The following DNAH1 variants were observed in gnomAD, a reference collection of about 807,000 sequenced individuals.
DNAH1 encodes axonemal beta dynein heavy chain 1.
A neutral mutation model predicts 484.3 loss-of-function variants in DNAH1; 327 were observed. The observed-to-expected ratio is 0.68, with a 90% confidence interval of 0.62 to 0.74. The LOEUF is 0.74. DNAH1 is among the 30% of genes least tolerant of loss of function. The probability of loss-of-function intolerance (pLI) is 0.00; values close to 1 mark genes in which losing one functional copy is unlikely to be tolerated. For missense variants in DNAH1, 5,052 were observed against 5,546.8 expected (o/e 0.91, Z 2.83); for synonymous variants, 2,192 against 2,191.9 (o/e 1.00, Z 0.00).
At chr3:52,360,206 A>G in intron 27 of DNAH1, 105 bp from the exon 28 acceptor site, 3 of 1,493,674 alleles carry the variant, frequency 2.0e-6, no homozygotes, top group Admixed American at 1.8e-5. Context: ...GGGTATGGGT[A>G]CCTTAATGCC....
chr3:52,330,169 A>G (rs1209575740), intron 6 of DNAH1, among the ~76,000 whole-genome samples: 1 of 152,200 alleles, frequency 6.6e-6, no homozygotes, highest in Non-Finnish European at 1.5e-5. Flanking sequence ...ATATGTGTGC[A>G]TCTTCCTTCT....
chr3:52,341,401 G>T (rs1289910479), intron 8 of DNAH1, among the ~76,000 whole-genome samples: 1 of 152,132 alleles, frequency 6.6e-6, no homozygotes, highest in Non-Finnish European at 1.5e-5. Context: ...GGGTATAATA[G>T]AAGAAGCAGC....
intron 66 of DNAH1, 132 bp downstream of exon 66, chr3:52,393,617 C>A: frequency 7.3e-7 from 1 of 1,368,992 alleles, no homozygotes; most frequent in East Asian, 2.5e-5. Flanking sequence ...GAAACAATTC[C>A]TTGATTAAAA....
At position 52,391,477 on chromosome 3, in the gene DNAH1, TG is replaced by T; in HGVS notation, c.9931del (p.Asp3311ThrfsTer3). On this transcript the variant is annotated frameshift_variant, in exon 63 of 78. Transcript: ENST00000420323. LOFTEE classifies it high-confidence loss of function. ...CAGCAGGGAAACACGGTGCTGAAGCTGGGGGACACGGTGATCCCCTACCATG... is the reference window on the plus strand; with the variant it reads ...CAGCAGGGAAACACGGTGCTGAAGCTGGGGACACGGTGATCCCCTACCATG... The part of the protein sequence containing the change: ...YKQQGNTVLK[L>X]GDTVIPYHED... 6.2e-7 allele frequency: 1 copy of T among 1,613,000 alleles called. No individual in the cohort carries two copies. The highest frequency in any genetic ancestry group is 1.1e-5 in the South Asian group (1 of 90,936).
At position 52,352,662 on chromosome 3, in the gene DNAH1, G is replaced by A. The variant is rs371396999; in HGVS notation, c.2982G>A (p.Met994Ile). 21 of 1,613,052 alleles carry A rather than the reference G, an allele frequency of 1.3e-5. No homozygotes were observed. The highest frequency in any genetic ancestry group is 1.2e-4 in the Admixed American group (7 of 59,878). The change falls in exon 18 of 78, where the codon ATG becomes ATA. Residue 994 changes from methionine to isoleucine, a missense_variant. Met to Ile is a conservative substitution (Grantham distance 10, BLOSUM62 1). Coordinates refer to ENST00000420323, the MANE Select transcript of DNAH1 (RefSeq NM_015512.5). ...TGAAGGACTGCCAGCAGCTGGCCAT[G>A]CTCTACAACAACCGCGAGCGCATCT... ...KQLKDCQQLA[M>I]LYNNRERIFS...
intron 59 of DNAH1, 71 bp downstream of exon 59, chr3:52,389,008 G>C (rs558882261): frequency 9.4e-6 from 14 of 1,482,624 alleles, no homozygotes; most frequent in Non-Finnish European, 1.2e-5. Context: ...TTGAGGCCTC[G>C]CCTCCATGAT....
chr3:52,377,994 GCC>G (rs897638121), intron 46 of DNAH1, among the ~76,000 whole-genome samples: 2 of 152,188 alleles, frequency 1.3e-5, no homozygotes, highest in Admixed American at 6.5e-5. Flanking sequence ...CAACAGACAG[GCC>G]CCTCTCCTGC....
At position 52,356,796 on chromosome 3, in the gene DNAH1, G is replaced by A; in HGVS notation, c.3858+18G>A. The stretch of plus-strand genomic sequence containing the variant: ...ACCGGGAGGCAAGCTCAATGAGGGT[G>A]GGAGGGGCAGCTGGGATCCCCAAGG... On this transcript the variant is annotated intron_variant, in intron 22 of 77. Transcript: ENST00000420323. 1 of 1,583,002 alleles carries A rather than the reference G, an allele frequency of 6.3e-7. No homozygotes were observed. The highest frequency in any genetic ancestry group is 8.6e-7 in the Non-Finnish European group (1 of 1,164,188).
rs373082854 is a variant in DNAH1, at chr3:52,383,459, C to T, written c.8015C>T (p.Ala2672Val). Residue 2672 changes from alanine to valine, a missense_variant, in exon 51 of 78, where the codon GCG (alanine) becomes GTG (valine). Transcript: ENST00000420323. ...GGTGACATTCCCAATCTGTATACTG[C>T]GGACGAGCAGGACCAGATCGTCAGC... is the stretch of plus-strand genomic sequence containing the variant. ...NSGDIPNLYT[A>V]DEQDQIVSTM... The T allele has an allele frequency of 9.9e-6, 16 of 1,613,900 alleles. 1 individual carries two copies. The highest frequency in any genetic ancestry group is 3.3e-4 in the Middle Eastern group (2 of 6,084).
At position 52,389,550 on chromosome 3, in the gene DNAH1, G is replaced by A. The variant is rs1483016478; in HGVS notation, c.9585G>A (p.Gly3195=). ...ACACCTCCGAGCCCACGCTAATCGG[G>A]ACGCTGGGGAACCCTGTGAAGATCC... The part of the protein sequence containing the change: ...VPHTSEPTLI[G]TLGNPVKIRS... Residue 3195 remains glycine, a synonymous_variant, in exon 60 of 78, where the codon GGG becomes GGA. Transcript: ENST00000420323. The A allele has an allele frequency of 6.5e-7, 1 of 1,544,764 alleles. No homozygotes were observed. The highest frequency in any genetic ancestry group is 8.7e-7 in the Non-Finnish European group (1 of 1,144,616).
intron 8 of DNAH1, among the ~76,000 whole-genome samples, chr3:52,337,361 T>G (rs1388793651): frequency 6.6e-6 from 1 of 152,236 alleles, no homozygotes; most frequent in Non-Finnish European, 1.5e-5. Flanking sequence ...CATTTTACTT[T>G]GTTTGATATC....
At position 52,399,711 on chromosome 3, in the gene DNAH1, C is replaced by A. The variant is rs770429940; in HGVS notation, c.12608C>A (p.Thr4203Lys). 6.2e-7 allele frequency: 1 copy of A among 1,614,042 alleles called. No homozygotes were observed. The highest frequency in any genetic ancestry group is 1.7e-5 in the Admixed American group (1 of 60,028). The change falls in exon 77 of 78, where the codon ACA (threonine) becomes AAA (lysine). Residue 4203 changes from threonine to lysine, a missense_variant. Coordinates refer to ENST00000420323, the MANE Select transcript of DNAH1 (RefSeq NM_015512.5). ...TEMAVIWLLP[T>K]PNRKAQDQDF... Reference sequence around the variant, plus strand: ...ATGGCCGTTATCTGGCTCTTGCCAACACCCAACCGCAAGGCCCAGGACCAG... The same window carrying A: ...ATGGCCGTTATCTGGCTCTTGCCAAAACCCAACCGCAAGGCCCAGGACCAG...
rs1186004183 is a variant in DNAH1 at position 52,381,533 on chromosome 3, C to G, written c.7609-107C>G. On this transcript the variant is annotated intron_variant, in intron 48 of 77. Coordinates refer to ENST00000420323, the MANE Select transcript of DNAH1 (RefSeq NM_015512.5). This position sits in a 1 kb window ranked among gnomAD's most constrained non-coding sequence, Gnocchi z 4.1. ...GCCGGGTCACAGGTGGTCAAGGCAC[C>G]TGTGCTTCTCAGTCAGGACAGAGAA... 11 of 1,088,544 alleles carry G rather than the reference C, an allele frequency of 1.0e-5. No homozygotes were observed. Among genetic ancestry groups the G allele is most frequent in the Non-Finnish European group, 1.3e-5 (10 of 768,886 alleles). 67.4% of individuals were successfully genotyped at this position (1,088,544 alleles called of 1,614,324 possible). A position where few individuals can be genotyped will look rare whatever the true frequency, so the allele number is the denominator to read the frequency against.
chr3:52,330,441 C>G, intron 6 of DNAH1, among the ~76,000 whole-genome samples: 1 of 152,192 alleles, frequency 6.6e-6, no homozygotes, highest in East Asian at 1.9e-4. Flanking sequence ...AAGGGAACAA[C>G]CAGCAATGAG....
chr3:52,354,892 T>C lies in DNAH1; in HGVS notation c.3530T>C (p.Leu1177Pro). The change falls in exon 21 of 78, where the codon CTG becomes CCG. Residue 1177 changes from leucine to proline, a missense_variant. Physicochemically the swap from Leu to Pro is moderately conservative, Grantham distance 98 (BLOSUM62 -3). Coordinates refer to ENST00000420323, the MANE Select transcript of DNAH1 (RefSeq NM_015512.5). ...KEWSTILFNV[L>P]PYKATDTYIL... ...TGGTCGACCATCCTGTTCAATGTACTGCCCTACAAGGCGACAGACACCTAC... is the reference window on the plus strand; with the variant it reads ...TGGTCGACCATCCTGTTCAATGTACCGCCCTACAAGGCGACAGACACCTAC... The C allele has an allele frequency of 6.2e-7, 1 of 1,613,966 alleles. No homozygotes were observed. The highest frequency in any genetic ancestry group is 1.3e-5 in the African/African-American group (1 of 75,030).
chr3:52,354,036 A>G (rs1280333963), intron 20 of DNAH1, among the ~76,000 whole-genome samples: 1 of 152,096 alleles, frequency 6.6e-6, no homozygotes, highest in South Asian at 2.1e-4. Flanking sequence ...TCTACAAAAA[A>G]TTAAGATATT....
intron 74 of DNAH1, 40 bp from the exon 75 acceptor site, chr3:52,397,992 G>C (rs1448736528): frequency 6.2e-7 from 1 of 1,602,322 alleles, no homozygotes; most frequent in Admixed American, 1.7e-5. Context: ...GGGATAAGGG[G>C]GCCCAGCCTT....
Position 52,370,565 on chromosome 3 carries a change from G to A in DNAH1, c.6347G>A (p.Gly2116Asp). Residue 2116 changes from glycine (G) to aspartate (D), a missense_variant, in exon 40 of 78, where the codon GGT (glycine) becomes GAT (aspartate). Physicochemically the swap from Gly to Asp is moderately conservative, Grantham distance 94. Around this residue, in one of 4 missense-constraint regions of DNAH1, gnomAD observed 2,929 missense variants for 3,409.4 expected, o/e 0.86. Coordinates refer to ENST00000420323, the MANE Select transcript of DNAH1 (RefSeq NM_015512.5). The part of the protein sequence containing the change: ...WFIFSLIWSV[G>D]ATGDSSGRTS... The stretch of plus-strand genomic sequence containing the variant: ...ATCTTCTCCCTGATCTGGAGCGTGG[G>A]TGCCACTGGGGACAGCAGTGGCCGC... 1 of 1,613,866 alleles carries A rather than the reference G, an allele frequency of 6.2e-7. No individual in the cohort carries two copies. The highest frequency in any genetic ancestry group is 8.5e-7 in the Non-Finnish European group (1 of 1,179,854).
rs1702701130 is a variant in DNAH1, at chr3:52,358,236, GCAAAAC to G, written c.4086+235_4086+240del. The stretch of plus-strand genomic sequence containing the variant: ...GCGCTCCCTGTGCCCCCAGCACACT[GCAAAAC>G]CCATGAGGCCAGAAGCCTGTGGCCT... On this transcript the variant is annotated intron_variant, in intron 24 of 77. Coordinates refer to ENST00000420323, the MANE Select transcript of DNAH1 (RefSeq NM_015512.5). The surrounding 1 kb of genome is among the most constrained non-coding windows in gnomAD (Gnocchi z 4.2). Among the ~76,000 whole-genome samples, 1 of 152,228 alleles carries G rather than the reference GCAAAAC, an allele frequency of 6.6e-6. No individual in the cohort carries two copies. Among genetic ancestry groups the G allele is most frequent in the Admixed American group, 6.5e-5 (1 of 15,290 alleles).
Sources: allele counts gnomAD v4.1 joint callset (sites outside exome capture counted in the v4.1 genomes callset), GRCh38; gene constraint gnomAD v4.1.1; regional missense constraint gnomAD v4.1.1; non-coding constraint Gnocchi (gnomAD v3.1); transcripts MANE v1.5; gene names NCBI Gene and HGNC (gene_info 2026-07-23, HGNC 2026-07-21).